The following CTNNA3 variants were observed in gnomAD, a reference collection of about 807,000 sequenced individuals.
The protein encoded by CTNNA3 is catenin alpha-3.
CTNNA3 carries 76 observed loss-of-function variants against 95.7 expected under a neutral mutation model. That is an observed-to-expected ratio of 0.79 (90% CI 0.66 to 0.96). CTNNA3 has a LOEUF of 0.96. Among genes scored for constraint, CTNNA3 ranks in the 40% least tolerant of loss-of-function variants. CTNNA3 has a pLI of 0.00. For synonymous variants in CTNNA3, 431 were observed against 374.4 expected, an observed-to-expected ratio of 1.15 and a Z score of -1.74; for missense variants, 1,191 against 1,089.8, an observed-to-expected ratio of 1.09 and a Z score of -1.31.
chr10:67,224,672 GC>G (rs1864811208), intron 5 of CTNNA3, among the ~76,000 whole-genome samples: 1 of 151,558 alleles, frequency 6.6e-6, no homozygotes, highest in South Asian at 2.1e-4. Flanking sequence ...AAAGAGCCAA[GC>G]AAAAAAAAAT....
At chr10:66,590,852 G>A (rs1843525458) in intron 10 of CTNNA3, among the ~76,000 whole-genome samples, 1 of 152,008 alleles carries the variant, frequency 6.6e-6, no homozygotes, top group South Asian at 2.1e-4. Flanking sequence ...GGAGAAAAAT[G>A]GCTTATATAT....
intron 7 of CTNNA3, among the ~76,000 whole-genome samples, chr10:66,989,665 A>G (rs1410247486): frequency 6.6e-6 from 1 of 152,138 alleles, no homozygotes; most frequent in African/African-American, 2.4e-5. Flanking sequence ...ACCTAACGTA[A>G]CAGTCTTTAC....
intron 7 of CTNNA3, among the ~76,000 whole-genome samples, chr10:66,859,351 C>T (rs923890519): frequency 4.0e-5 from 6 of 151,462 alleles, no homozygotes; most frequent in African/African-American, 7.3e-5. Flanking sequence ...AAAAAGTGGG[C>T]GAAGGACATG....
At chr10:66,765,386 AT>A (rs757330469) in intron 9 of CTNNA3, among the ~76,000 whole-genome samples, 62 of 152,172 alleles carry the variant, frequency 4.1e-4, no homozygotes, top group Non-Finnish European at 8.2e-4. Flanking sequence ...CAGTCAAAAC[AT>A]TTAATAACCC....
intron 10 of CTNNA3, among the ~76,000 whole-genome samples, chr10:66,590,928 A>G (rs1338899815): frequency 6.6e-6 from 1 of 152,168 alleles, no homozygotes; most frequent in Non-Finnish European, 1.5e-5. Context: ...TGTGGAATCT[A>G]TAAACACAGG....
At position 67,448,746 on chromosome 10, in the gene CTNNA3, A is replaced by T. The variant is rs1846853288; in HGVS notation, c.579+73096T>A. ...TTAAGATGGAATTCTTAAAGATTCCATCTTTAACTCTTTAACTCGCATAGG... is the reference window on the plus strand; with the variant it reads ...TTAAGATGGAATTCTTAAAGATTCCTTCTTTAACTCTTTAACTCGCATAGG... On this transcript the variant is annotated intron_variant, in intron 5 of 17. Transcript: ENST00000433211. 2.0e-5 allele frequency among the ~76,000 whole-genome samples: 3 copies of T among 150,754 alleles called. No individual in the cohort carries two copies. The South Asian group carries it at 6.2e-4, about 31-fold the overall frequency.
intron 12 of CTNNA3, among the ~76,000 whole-genome samples, chr10:66,364,890 A>T (rs1380972446): frequency 2.6e-5 from 4 of 152,190 alleles, no homozygotes; most frequent in Non-Finnish European, 5.9e-5. Flanking sequence ...TAAAATGATG[A>T]AACCATGTTG....
chr10:67,290,592 A>C (rs1839797748), intron 5 of CTNNA3, among the ~76,000 whole-genome samples: 1 of 152,174 alleles, frequency 6.6e-6, no homozygotes, highest in Non-Finnish European at 1.5e-5. Context: ...TAGATGCTAT[A>C]TGTGTCCCCA....
In CTNNA3 at chr10:67,261,765, T is replaced by C. The variant is rs142320502; in HGVS notation, c.580-41895A>G. Among the ~76,000 whole-genome samples the C allele has an allele frequency of 1.3e-3, 202 of 152,326 alleles. 2 individuals carry two copies. The highest frequency in any genetic ancestry group is 4.7e-3 in the African/African-American group (194 of 41,578). ...AATCTCAAAACTATAGTAGTCAGGA[T>C]GGTCAGCAAGGGGTAATTGGTCCAG... On this transcript the variant is annotated intron_variant, in intron 5 of 17. Coordinates refer to ENST00000433211, the MANE Select transcript of CTNNA3 (RefSeq NM_013266.4).
intron 3 of CTNNA3, among the ~76,000 whole-genome samples, chr10:67,559,270 T>C (rs1026404028): frequency 1.3e-5 from 2 of 152,180 alleles, no homozygotes; most frequent in Non-Finnish European, 2.9e-5. Context: ...CTCACACGGC[T>C]GGGTACCCCT....
chr10:67,001,153 T>C (rs1313889509), intron 7 of CTNNA3, among the ~76,000 whole-genome samples: 1 of 150,782 alleles, frequency 6.6e-6, no homozygotes, highest in Admixed American at 6.6e-5. Flanking sequence ...ATACAAAAAT[T>C]AGCTAGGGGT....
intron 11 of CTNNA3, among the ~76,000 whole-genome samples, chr10:66,403,560 G>T (rs2093035700): frequency 6.6e-6 from 1 of 152,122 alleles, no homozygotes; most frequent in Admixed American, 6.5e-5. Context: ...CTGCCCCCAT[G>T]ATCCAATCAC....
At chr10:66,749,888 A>T (rs1389663062) in intron 9 of CTNNA3, among the ~76,000 whole-genome samples, 2 of 152,204 alleles carry the variant, frequency 1.3e-5, no homozygotes, top group Admixed American at 1.3e-4. Flanking sequence ...TGGTATTGCC[A>T]GTATCTTGGA....
At chr10:67,022,872 A>G (rs1310629761) in intron 7 of CTNNA3, among the ~76,000 whole-genome samples, 1 of 152,152 alleles carries the variant, frequency 6.6e-6, no homozygotes, top group Non-Finnish European at 1.5e-5. Context: ...CGGGTGGCGG[A>G]GGTTGCAGTG....
At chr10:67,060,893 T>C (rs1855720388) in intron 7 of CTNNA3, among the ~76,000 whole-genome samples, 1 of 152,204 alleles carries the variant, frequency 6.6e-6, no homozygotes, top group Non-Finnish European at 1.5e-5. Context: ...TTTTAAATTG[T>C]TTTTGACAGT....
chr10:67,264,488 C>A (rs888991155), intron 5 of CTNNA3, among the ~76,000 whole-genome samples: 9 of 152,104 alleles, frequency 5.9e-5, no homozygotes, highest in Non-Finnish European at 2.9e-5. Context: ...AAGTAACATG[C>A]CCAGTTAGAA....
chr10:67,441,454 C>T (rs556538161), intron 5 of CTNNA3, among the ~76,000 whole-genome samples: 100 of 152,084 alleles, frequency 6.6e-4, no homozygotes, highest in African/African-American at 2.2e-3. Context: ...CATTCAAATA[C>T]AAGAAGACTA....
chr10:65,973,876 T>C (rs2078159145), intron 16 of CTNNA3, among the ~76,000 whole-genome samples: 2 of 152,120 alleles, frequency 1.3e-5, no homozygotes, highest in Non-Finnish European at 2.9e-5. Flanking sequence ...ACCTCCAACA[T>C]TGGGGATTGC....
At position 66,428,485 on chromosome 10, in the gene CTNNA3, T is replaced by C. The variant is rs550104895; in HGVS notation, c.1532-49133A>G. 3.0e-4 allele frequency among the ~76,000 whole-genome samples: 46 copies of C among 152,216 alleles called. 1 individual carries two copies. In the South Asian group the frequency reaches 7.1e-3, roughly 23 times the overall value. Reference sequence around the variant, plus strand: ...GCACCACACCACATCTATTCCAAAATTGACCACATAGTTGGAAGTAAAGCA... The same window carrying C: ...GCACCACACCACATCTATTCCAAAACTGACCACATAGTTGGAAGTAAAGCA... On this transcript the variant is annotated intron_variant, in intron 11 of 17. Transcript: ENST00000433211.
Sources: allele counts gnomAD v4.1 joint callset (sites outside exome capture counted in the v4.1 genomes callset), GRCh38; gene constraint gnomAD v4.1.1; transcripts MANE v1.5; gene names NCBI Gene and HGNC (gene_info 2026-07-23, HGNC 2026-07-21).